ZNF133: variants seen among roughly 807,000 people sequenced by gnomAD.
The protein encoded by ZNF133 is zinc finger protein 133.
In ZNF133, 26 loss-of-function variants were observed where a neutral mutation model predicts 54.9. The observed-to-expected ratio is 0.47, with a 90% CI of 0.35 to 0.66. The LOEUF (loss-of-function observed/expected upper bound fraction) is 0.66, where lower values mean the gene tolerates loss of function less well. Among genes scored for constraint, ZNF133 ranks in the 30% least tolerant of loss-of-function variants. The pLI, the probability that ZNF133 is intolerant of heterozygous loss-of-function variation, is 0.01. For missense variants in ZNF133, 653 were observed against 820.8 expected (o/e 0.80, Z 2.50); for synonymous variants, 298 against 320.3 (o/e 0.93, Z 0.74).
rs903738128 is a variant in ZNF133, at chr20:18,298,781, C to T, written c.-178+317C>T. 4.6e-5 allele frequency among the ~76,000 whole-genome samples: 7 copies of T among 152,114 alleles called. No individual in the cohort carries two copies. The South Asian group carries it at 8.3e-4, about 18-fold the overall frequency. On this transcript the variant is annotated intron_variant, in intron 3 of 6. Coordinates refer to ENST00000425686, the MANE Select transcript of ZNF133 (RefSeq NM_001352452.2). ...GTCTGTTTTCCCCCACTGAAGTTCT[C>T]TTTTTCCCCTTTGAGAGCGAAATAT...
In ZNF133 at chr20:18,316,299, G is replaced by C; in HGVS notation, c.1448G>C (p.Arg483Thr). 2 of 1,610,750 alleles carry C rather than the reference G, an allele frequency of 1.2e-6. No homozygotes were observed. The highest frequency in any genetic ancestry group is 1.7e-6 in the Non-Finnish European group (2 of 1,179,012). Residue 483 changes from arginine (R) to threonine (T), a missense_variant, in exon 7 of 7, where the codon AGA (arginine) becomes ACA (threonine). Arg to Thr is a moderately conservative substitution (Grantham distance 71). Transcript: ENST00000425686. ...RGFSQQSNLI[R>T]HQRTHSGEKP... ...TTCAGCCAGCAATCCAACCTCATCA[G>C]ACACCAGAGGACGCACTCAGGCGAG...
chr20:18,316,840 A>G lies in ZNF133; in HGVS notation c.*24A>G, dbSNP rs778679747. ...GAAGGCAAAGATGGGGACAAGGACT[A>G]AGAGTCAGAATGTTGACACTTTGAT... On this transcript the variant is annotated 3_prime_UTR_variant, in exon 7 of 7. Transcript: ENST00000425686. 3 of 1,571,954 alleles carry G rather than the reference A, an allele frequency of 1.9e-6. No individual in the cohort carries two copies. Among genetic ancestry groups the G allele is most frequent in the Non-Finnish European group, 2.6e-6 (3 of 1,158,430 alleles).
At chr20:18,292,765 C>T (rs542530373) in intron 1 of ZNF133, among the ~76,000 whole-genome samples, 3 of 152,154 alleles carry the variant, frequency 2.0e-5, no homozygotes, top group Non-Finnish European at 4.4e-5. Flanking sequence ...TCTGTATCCC[C>T]AGGGTTTAAA....
At chr20:18,295,513 T>C (rs1393013046) in intron 1 of ZNF133, 4 of 152,220 alleles carry the variant, frequency 2.6e-5, no homozygotes, top group African/African-American at 9.6e-5. Context: ...GTTTGTCTAC[T>C]TTTTTTGACA....
intron 3 of ZNF133, among the ~76,000 whole-genome samples, chr20:18,300,489 A>T: frequency 6.6e-6 from 1 of 152,316 alleles, no homozygotes; most frequent in African/African-American, 2.4e-5. Flanking sequence ...CTTATCAGTA[A>T]TTATTTTATA....
rs1235692761 is a variant in ZNF133, at chr20:18,315,401, G to A, written c.550G>A (p.Val184Met). The part of the protein sequence containing the change: ...PVSSRNGLRG[V>M]ELEASPAQSG... ...CAGCTCTCGGAACGGCCTCAGAGGG[G>A]TGGAGTTAGAAGCCAGCCCAGCTCA... The change falls in exon 7 of 7, where the codon GTG becomes ATG. Residue 184 changes from valine (V) to methionine (M), a missense_variant. This residue lies in a region of ZNF133 where 227 missense variants were observed against 233.9 expected (regional missense o/e 0.97). Coordinates refer to ENST00000425686, the MANE Select transcript of ZNF133 (RefSeq NM_001352452.2). 2.5e-6 allele frequency: 4 copies of A among 1,614,168 alleles called. No individual in the cohort carries two copies. The highest frequency in any genetic ancestry group is 3.4e-6 in the Non-Finnish European group (4 of 1,179,984).
At chr20:18,289,313 C>T (rs1218971440) in intron 1 of ZNF133, among the ~76,000 whole-genome samples, 1 of 152,134 alleles carries the variant, frequency 6.6e-6, no homozygotes, top group African/African-American at 2.4e-5. Context: ...ATTACGGATT[C>T]CCAGGCCCCT....
Position 18,316,908 on chromosome 20 carries a change from A to G in ZNF133, c.*92A>G. 1 of 1,409,396 alleles carries G rather than the reference A, an allele frequency of 7.1e-7. No homozygotes were observed. Among genetic ancestry groups the G allele is most frequent in the Non-Finnish European group, 9.5e-7 (1 of 1,054,182 alleles). The allele number at this position is 1,409,396 out of a possible 1,614,324, so 87.3% of individuals were successfully genotyped here. On this transcript the variant is annotated 3_prime_UTR_variant, in exon 7 of 7. Transcript: ENST00000425686. ...TGCATTCTGTAAGTGGTCAAAGGAC[A>G]TTTGACTGTTTACTTTCTCCACACT...
chr20:18,297,957 C>A, intron 1 of ZNF133, 28 bp from the exon 2 acceptor site: 1 of 1,452,984 alleles, frequency 6.9e-7, no homozygotes, highest in Non-Finnish European at 9.3e-7. Context: ...CTACCTGACA[C>A]CCTCCCATTT....
Position 18,305,106 on chromosome 20 carries a change from G to A in ZNF133, c.-79G>A. 1 of 985,534 alleles carries A rather than the reference G, an allele frequency of 1.0e-6. No homozygotes were observed. Among genetic ancestry groups the A allele is most frequent in the Non-Finnish European group, 1.2e-6 (1 of 830,072 alleles). 61.0% of individuals were successfully genotyped at this position (985,534 alleles called of 1,614,324 possible). A position where few individuals can be genotyped will look rare whatever the true frequency, so the allele number is the denominator to read the frequency against. ...CAAAGATGAATTTTTGGACTGAGTGGCCAAGAAGCTCCATGGTGAGCACTC... is the reference window on the plus strand; with the variant it reads ...CAAAGATGAATTTTTGGACTGAGTGACCAAGAAGCTCCATGGTGAGCACTC... On this transcript the variant is annotated 5_prime_UTR_variant, in exon 4 of 7. It introduces an in-frame stop codon into an upstream open reading frame of the 5' UTR. Transcript: ENST00000425686. The surrounding 1 kb of genome is among the most constrained non-coding windows in gnomAD (Gnocchi z 4.7).
At chr20:18,308,571 G>C (rs2300820) in intron 6 of ZNF133, among the ~76,000 whole-genome samples, 15,777 of 152,182 alleles carry the variant, frequency 0.1, 952 homozygotes, top group African/African-American at 0.15. Context: ...AGTTCCATGA[G>C]CTATTGTTTC....
rs1260998758 is a variant in ZNF133, at chr20:18,315,816, G to A, written c.965G>A (p.Gly322Glu). Reference sequence around the variant, plus strand: ...ATCATACACCAGAGGACACACTCAGGGGAAAAGCCTTACGTGTGCCGGGAA... The same window carrying A: ...ATCATACACCAGAGGACACACTCAGAGGAAAAGCCTTACGTGTGCCGGGAA... ...NLIIHQRTHS[G>E]EKPYVCRECG... The change falls in exon 7 of 7, where the codon GGG (glycine) becomes GAG (glutamate). Residue 322 changes from glycine (G) to glutamate (E), a missense_variant. Physicochemically the swap from Gly to Glu is moderately conservative, Grantham distance 98. Around this residue, in one of 4 missense-constraint regions of ZNF133, gnomAD observed 292 missense variants for 431.6 expected, o/e 0.68. Transcript: ENST00000425686. The A allele has an allele frequency of 6.2e-7, 1 of 1,611,480 alleles. No homozygotes were observed. Among genetic ancestry groups the A allele is most frequent in the Non-Finnish European group, 8.5e-7 (1 of 1,178,556 alleles).
intron 3 of ZNF133, among the ~76,000 whole-genome samples, chr20:18,299,751 G>A (rs539013649): frequency 3.2e-4 from 48 of 152,210 alleles, no homozygotes; most frequent in African/African-American, 1.0e-3. Context: ...AATTTCTTAC[G>A]AAAAACCTCT....
intron 1 of ZNF133, among the ~76,000 whole-genome samples, chr20:18,291,601 G>C (rs2041007203): frequency 6.6e-6 from 1 of 151,894 alleles, no homozygotes; most frequent in South Asian, 2.1e-4. Flanking sequence ...TGGTTCTCCC[G>C]TTCATTCTCA....
In ZNF133 at chr20:18,305,892, T is replaced by C; in HGVS notation, c.121+85T>C. 6.6e-7 allele frequency: 1 copy of C among 1,525,496 alleles called. No individual in the cohort carries two copies. Among genetic ancestry groups the C allele is most frequent in the Non-Finnish European group, 8.8e-7 (1 of 1,132,876 alleles). The allele number at this position is 1,525,496 out of a possible 1,614,324, so 94.5% of individuals were successfully genotyped here. On this transcript the variant is annotated intron_variant, in intron 5 of 6. Transcript: ENST00000425686. The surrounding 1 kb of genome is among the most constrained non-coding windows in gnomAD (Gnocchi z 4.7). ...GAAGCAGCCATCTTGCTTTGTTACTTGACCTTTGGGTTGGACCAAAAAGCA... is the reference window on the plus strand; with the variant it reads ...GAAGCAGCCATCTTGCTTTGTTACTCGACCTTTGGGTTGGACCAAAAAGCA...
intron 1 of ZNF133, among the ~76,000 whole-genome samples, chr20:18,291,719 T>TTG (rs903508565): frequency 5.3e-5 from 8 of 151,846 alleles, no homozygotes; most frequent in Non-Finnish European, 1.0e-4. Flanking sequence ...ATTTTTTTTT[T>TTG]TTTTTTTAGT....
intron 3 of ZNF133, among the ~76,000 whole-genome samples, chr20:18,301,152 G>A (rs957453240): frequency 5.9e-5 from 9 of 152,030 alleles, no homozygotes; most frequent in African/African-American, 9.7e-5. Flanking sequence ...TCACAAATAC[G>A]TGAAAATTAA....
At chr20:18,297,858 C>T (rs774671049) in intron 1 of ZNF133, 127 bp from the exon 2 acceptor site, 63 of 597,020 alleles carry the variant, frequency 1.1e-4, no homozygotes, top group Non-Finnish European at 1.6e-4. Context: ...AGTATCTTTT[C>T]CTTGCTTTAT....
At chr20:18,310,443 C>A in intron 6 of ZNF133, 2 of 969,306 alleles carry the variant, frequency 2.1e-6, no homozygotes, top group South Asian at 2.1e-5. Context: ...AATCAGAATG[C>A]TAATTCAATA....
Sources: allele counts gnomAD v4.1 joint callset (sites outside exome capture counted in the v4.1 genomes callset), GRCh38; gene constraint gnomAD v4.1.1; regional missense constraint gnomAD v4.1.1; non-coding constraint Gnocchi (gnomAD v3.1); transcripts MANE v1.5; gene names NCBI Gene and HGNC (gene_info 2026-07-23, HGNC 2026-07-21).